EVA1A: variants seen among roughly 807,000 people sequenced by gnomAD.
The protein encoded by EVA1A is protein eva-1 homolog A.
Under a neutral mutation model 9.8 loss-of-function variants are expected in EVA1A, and 7 were observed. The ratio of observed to expected loss-of-function variants is 0.71; its 90% CI spans 0.41 to 1.34. The LOEUF (loss-of-function observed/expected upper bound fraction) is 1.34, where lower values mean the gene tolerates loss of function less well. EVA1A is among the 40% of genes most tolerant of loss of function. The pLI is 0.01. For missense variants in EVA1A, 206 were observed against 205.9 expected (o/e 1.00, Z 0.00); for synonymous variants, 90 against 85.6 (o/e 1.05, Z -0.28).
chr2:75,504,074 G>A (rs1674525776), intron 3 of EVA1A, among the ~76,000 whole-genome samples: 1 of 152,022 alleles, frequency 6.6e-6, no homozygotes, highest in Non-Finnish European at 1.5e-5. Context: ...GTGTTGTCAG[G>A]GAGTGCTCAG....
At position 75,505,144 on chromosome 2, in the gene EVA1A, C is replaced by T. The variant is rs556125941; in HGVS notation, c.86-11535G>A. On this transcript the variant is annotated intron_variant, in intron 3 of 3. Coordinates refer to ENST00000393913, the MANE Select transcript of EVA1A (RefSeq NM_001135032.2). ...CAACGGACTAGGCAGAAGGCCCTGACACATTATTCCATCCAGCATTACCAC... is the reference window on the plus strand; with the variant it reads ...CAACGGACTAGGCAGAAGGCCCTGATACATTATTCCATCCAGCATTACCAC... 2.6e-5 allele frequency among the ~76,000 whole-genome samples: 4 copies of T among 152,288 alleles called. No individual in the cohort carries two copies. The South Asian group carries it at 8.3e-4, about 32-fold the overall frequency.
At chr2:75,525,015 C>T (rs567962809) in intron 1 of EVA1A, among the ~76,000 whole-genome samples, 1 of 151,992 alleles carries the variant, frequency 6.6e-6, no homozygotes, top group South Asian at 2.1e-4. Context: ...TCATTTTCTC[C>T]TCACCTTCTT....
chr2:75,521,331 T>A (rs190086903), intron 2 of EVA1A, among the ~76,000 whole-genome samples: 1 of 152,234 alleles, frequency 6.6e-6, no homozygotes, highest in Non-Finnish European at 1.5e-5. Context: ...ATTCCACCTC[T>A]GGGTATATAC....
chr2:75,536,881 AAAG>A (rs1464229651), intron 1 of EVA1A, among the ~76,000 whole-genome samples: 2 of 152,186 alleles, frequency 1.3e-5, no homozygotes, highest in Admixed American at 1.3e-4. Flanking sequence ...TCAAATGTTT[AAAG>A]AAGAATTAGC....
intron 1 of EVA1A, among the ~76,000 whole-genome samples, chr2:75,550,881 T>C (rs191430929): frequency 6.6e-6 from 1 of 152,322 alleles, no homozygotes; most frequent in Non-Finnish European, 1.5e-5. Context: ...CCCAGCACTT[T>C]GGGAGGCCAA....
chr2:75,493,673 T>C (rs536967516), intron 3 of EVA1A, 64 bp from the exon 4 acceptor site: 11 of 1,460,588 alleles, frequency 7.5e-6, no homozygotes, highest in African/African-American at 2.8e-5. Flanking sequence ...AGAGATCCAA[T>C]ATGACTCCAG....
At chr2:75,560,530 C>G (rs1002312948) in intron 1 of EVA1A, 150 bp downstream of exon 1, 1 of 152,418 alleles carries the variant, frequency 6.6e-6, no homozygotes, top group Non-Finnish European at 1.5e-5. Flanking sequence ...CAGCCTACAA[C>G]ACCTGGGCAG....
intron 1 of EVA1A, among the ~76,000 whole-genome samples, chr2:75,526,980 A>C (rs1015736709): frequency 1.3e-5 from 2 of 152,172 alleles, no homozygotes; most frequent in African/African-American, 4.8e-5. Flanking sequence ...ACTAAGAACC[A>C]AGGAGATGAG....
chr2:75,503,247 G>GT (rs561064989), intron 3 of EVA1A, among the ~76,000 whole-genome samples: 34 of 152,154 alleles, frequency 2.2e-4, no homozygotes, highest in Non-Finnish European at 2.4e-4. Context: ...CAAGGTGATT[G>GT]TTTTTTCTCT....
At chr2:75,551,652 T>C (rs1045046842) in intron 1 of EVA1A, among the ~76,000 whole-genome samples, 2 of 152,338 alleles carry the variant, frequency 1.3e-5, no homozygotes, top group East Asian at 3.9e-4. Flanking sequence ...CTTATAGCTG[T>C]GTGACCTTGG....
chr2:75,549,415 T>C (rs1676451158), intron 1 of EVA1A, among the ~76,000 whole-genome samples: 1 of 152,128 alleles, frequency 6.6e-6, no homozygotes, highest in African/African-American at 2.4e-5. Context: ...GCAAAACACC[T>C]GCAGCTTCTT....
At chr2:75,564,959 G>C (rs993517214), upstream of EVA1A, among the ~76,000 whole-genome samples, 7 of 152,228 alleles carry the variant, frequency 4.6e-5, no homozygotes, top group African/African-American at 1.7e-4. Flanking sequence ...CACCAGCTGA[G>C]TGAAGGTGAA....
At chr2:75,517,977 C>A (rs1195316010) in intron 3 of EVA1A, 79 bp downstream of exon 3, 2 of 1,541,926 alleles carry the variant, frequency 1.3e-6, no homozygotes, top group South Asian at 1.1e-5. Flanking sequence ...GAGAATAAGG[C>A]CAGAGATGGC....
rs551410332 is a variant in EVA1A, at chr2:75,504,409, T to TCAAA, written c.86-10804_86-10801dup. Among the ~76,000 whole-genome samples, 735 of 152,090 alleles carry TCAAA rather than the reference T, an allele frequency of 4.8e-3. 13 individuals are homozygous for TCAAA. The highest frequency in any genetic ancestry group is 0.013 in the African/African-American group (542 of 41,466). ...CTGGGCAACAGGGTAAGACTCTGCC[T>TCAAA]CAAACAAACAAACAAACAAACAAAC... On this transcript the variant is annotated intron_variant, in intron 3 of 3. Transcript: ENST00000393913.
At chr2:75,569,154 A>T (rs1433211818) in intron 1 of EVA1A, among the ~76,000 whole-genome samples, 2 of 152,022 alleles carry the variant, frequency 1.3e-5, no homozygotes, top group Admixed American at 1.3e-4. Flanking sequence ...TAATTATTTA[A>T]TTTTAATTTA....
intron 1 of EVA1A, among the ~76,000 whole-genome samples, chr2:75,568,278 A>G (rs1226365119): frequency 6.6e-6 from 1 of 151,716 alleles, no homozygotes; most frequent in African/African-American, 2.4e-5. Context: ...ATGTATTATT[A>G]TTTGATAATG....
At chr2:75,503,990 A>T (rs919125302) in intron 3 of EVA1A, among the ~76,000 whole-genome samples, 3 of 152,200 alleles carry the variant, frequency 2.0e-5, no homozygotes, top group Non-Finnish European at 4.4e-5. Flanking sequence ...ATTTTCATTA[A>T]TAAAAAACTA....
chr2:75,564,244 G>A (rs1676983640), upstream of EVA1A, among the ~76,000 whole-genome samples: 3 of 152,364 alleles, frequency 2.0e-5, no homozygotes, highest in Non-Finnish European at 4.4e-5. Context: ...AGGAAGGGCA[G>A]AGGAGTAGGG....
intron 1 of EVA1A, among the ~76,000 whole-genome samples, chr2:75,551,766 A>G (rs973194571): frequency 6.6e-6 from 1 of 152,226 alleles, no homozygotes; most frequent in African/African-American, 2.4e-5. Context: ...TAATACACGT[A>G]AAGTGTTTAG....
Sources: gnomAD v4.1 joint callset for allele counts (sites outside exome capture counted in the v4.1 genomes callset) on GRCh38, gnomAD v4.1.1 for gene constraint, MANE v1.5 for transcripts, NCBI Gene and HGNC (gene_info 2026-07-23, HGNC 2026-07-21) for gene names.